Variants in SPOCK3 observed in about 807,000 individuals in gnomAD.
SPOCK3 encodes the protein testican-3.
SPOCK3 carries 30 observed loss-of-function variants against 56.6 expected under a neutral mutation model. That is an observed-to-expected ratio of 0.53 (90% confidence interval 0.40 to 0.72). The LOEUF (loss-of-function observed/expected upper bound fraction) is 0.72. SPOCK3 is among the 30% of genes least tolerant of loss of function. SPOCK3 has a pLI of 0.00. For synonymous variants in SPOCK3, 196 were observed against 183.3 expected (o/e 1.07, Z -0.56); for missense variants, 527 against 530.0 (o/e 0.99, Z 0.06).
At chr4:167,030,303 T>C (rs1353365884) in intron 3 of SPOCK3, among the ~76,000 whole-genome samples, 1 of 152,110 alleles carries the variant, frequency 6.6e-6, no homozygotes, top group Non-Finnish European at 1.5e-5. Flanking sequence ...TTTTTATACC[T>C]GTTTTTATTG....
In SPOCK3 at chr4:166,734,733, A is replaced by G; in HGVS notation, c.*188T>C. On this transcript the variant is annotated 3_prime_UTR_variant, in exon 11 of 11. Coordinates refer to ENST00000357545, the MANE Select transcript of SPOCK3 (RefSeq NM_001040159.2). ...TTCTTTTTGTGTAAGGAATATAAAAACTCAAAGCAAATGATTCTTATTTAA... is the reference window on the plus strand; with the variant it reads ...TTCTTTTTGTGTAAGGAATATAAAAGCTCAAAGCAAATGATTCTTATTTAA... 1.9e-6 allele frequency: 1 copy of G among 528,048 alleles called. No homozygotes were observed. The highest frequency in any genetic ancestry group is 3.2e-6 in the Non-Finnish European group (1 of 310,818). The allele number at this position is 528,048 out of a possible 1,614,324, so 32.7% of individuals were successfully genotyped here. A position where few individuals can be genotyped will look rare whatever the true frequency, so the allele number is the denominator to read the frequency against.
chr4:166,952,904 C>A (rs1215920588), intron 4 of SPOCK3, among the ~76,000 whole-genome samples: 1 of 151,278 alleles, frequency 6.6e-6, no homozygotes, highest in Non-Finnish European at 1.5e-5. Flanking sequence ...AAACTGGATC[C>A]CTTCCTTACA....
chr4:166,781,026 A>G (rs1740109106), intron 7 of SPOCK3, among the ~76,000 whole-genome samples: 1 of 152,198 alleles, frequency 6.6e-6, no homozygotes, highest in South Asian at 2.1e-4. Flanking sequence ...ATTTTTAATT[A>G]TCAGAATAGA....
At chr4:166,953,936 G>A (rs1013870223) in intron 4 of SPOCK3, among the ~76,000 whole-genome samples, 2 of 152,122 alleles carry the variant, frequency 1.3e-5, no homozygotes, top group Non-Finnish European at 1.5e-5. Context: ...GGACTGTTGT[G>A]GGGTGCTGGG....
chr4:166,784,908 A>G (rs1740575595), intron 7 of SPOCK3, among the ~76,000 whole-genome samples: 1 of 152,104 alleles, frequency 6.6e-6, no homozygotes, highest in African/African-American at 2.4e-5. Flanking sequence ...ATGCTCTCCA[A>G]ATTGTTAAAG....
intron 2 of SPOCK3, among the ~76,000 whole-genome samples, chr4:167,092,754 T>C (rs2150311951): frequency 6.6e-6 from 1 of 152,242 alleles, no homozygotes; most frequent in African/African-American, 2.4e-5. Flanking sequence ...CTGTAAAATG[T>C]CCAACAGTGA....
At chr4:167,078,746 TTTA>T (rs1347267830) in intron 2 of SPOCK3, among the ~76,000 whole-genome samples, 2 of 151,772 alleles carry the variant, frequency 1.3e-5, no homozygotes, top group African/African-American at 4.8e-5. Context: ...AATATTTAAT[TTTA>T]TTATTTAATT....
intron 5 of SPOCK3, among the ~76,000 whole-genome samples, chr4:166,890,733 A>C (rs1184986351): frequency 1.3e-5 from 2 of 151,998 alleles, no homozygotes; most frequent in East Asian, 3.9e-4. Flanking sequence ...TATTCTGTTG[A>C]TTTGGGGTGG....
chr4:167,075,405 TTCTTTGAGCCACACTGA>T (rs1409586009), intron 2 of SPOCK3, among the ~76,000 whole-genome samples: 2 of 151,922 alleles, frequency 1.3e-5, no homozygotes, highest in African/African-American at 4.8e-5. Context: ...CTGTGGACCA[TTCTTTGAGCCACACTGA>T]TCTCTATGAC....
chr4:166,742,094 C>T, intron 8 of SPOCK3, 35 bp from the exon 9 acceptor site: 1 of 1,482,804 alleles, frequency 6.7e-7, no homozygotes, highest in Non-Finnish European at 9.4e-7. Flanking sequence ...TTCAAGGATT[C>T]TAGTTAAACA....
intron 2 of SPOCK3, among the ~76,000 whole-genome samples, chr4:167,190,453 T>C (rs577566722): frequency 2.7e-5 from 4 of 146,558 alleles, no homozygotes; most frequent in Non-Finnish European, 6.0e-5. Flanking sequence ...TGACTCTTTT[T>C]GAATTGTATT....
chr4:166,769,304 C>T (rs1738594529), intron 7 of SPOCK3, among the ~76,000 whole-genome samples: 1 of 152,046 alleles, frequency 6.6e-6, no homozygotes, highest in African/African-American at 2.4e-5. Context: ...TGTTTTTTCC[C>T]CATCTTTGTG....
At position 167,188,368 on chromosome 4, in the gene SPOCK3, T is replaced by C. The variant is rs1580559247; in HGVS notation, c.189+45617A>G. Among the ~76,000 whole-genome samples, 2 of 144,718 alleles carry C rather than the reference T, an allele frequency of 1.4e-5. 1 individual carries two copies. The highest frequency in any genetic ancestry group is 4.2e-4 in the East Asian group (2 of 4,802). 94.9% of individuals were successfully genotyped at this position (144,718 alleles called of 152,430 possible). A position where few individuals can be genotyped will look rare whatever the true frequency, so the allele number is the denominator to read the frequency against. ...AGAGCATACAAAAGAGGAAAAGAGG[T>C]CACTACTGATAAATGAAATAGTGAA... On this transcript the variant is annotated intron_variant, in intron 2 of 10. Transcript: ENST00000357545.
chr4:167,030,299 T>A (rs892764575), intron 3 of SPOCK3, among the ~76,000 whole-genome samples: 7 of 152,112 alleles, frequency 4.6e-5, no homozygotes, highest in African/African-American at 1.7e-4. Flanking sequence ...TTGTTTTTTA[T>A]ACCTGTTTTT....
chr4:167,110,161 A>T (rs948605703), intron 2 of SPOCK3, among the ~76,000 whole-genome samples: 1 of 152,046 alleles, frequency 6.6e-6, no homozygotes, highest in Non-Finnish European at 1.5e-5. Flanking sequence ...GTGATCTCTC[A>T]TCTCAAGTGG....
At chr4:167,089,480 G>T (rs895424115) in intron 2 of SPOCK3, among the ~76,000 whole-genome samples, 2 of 151,934 alleles carry the variant, frequency 1.3e-5, no homozygotes, top group African/African-American at 4.8e-5. Context: ...TTCTGTGATT[G>T]GTTACTTTTG....
chr4:166,971,266 AT>A (rs138529030), intron 4 of SPOCK3, among the ~76,000 whole-genome samples: 2,690 of 152,020 alleles, frequency 0.018, 70 homozygotes, highest in African/African-American at 0.061. Context: ...TTGTGTTTTT[AT>A]TTTTCCCCCC....
chr4:166,868,669 T>C (rs893888426), intron 6 of SPOCK3, among the ~76,000 whole-genome samples: 7 of 152,150 alleles, frequency 4.6e-5, no homozygotes, highest in Non-Finnish European at 8.8e-5. Context: ...TGCATACTTT[T>C]ATCTATTTAA....
At chr4:166,966,600 G>A (rs1032151980) in intron 4 of SPOCK3, among the ~76,000 whole-genome samples, 4 of 152,012 alleles carry the variant, frequency 2.6e-5, no homozygotes, top group Non-Finnish European at 2.9e-5. Flanking sequence ...ATTTTATACC[G>A]CAGTTTCTGA....
Sources: allele counts gnomAD v4.1 joint callset (sites outside exome capture counted in the v4.1 genomes callset), GRCh38; gene constraint gnomAD v4.1.1; transcripts MANE v1.5; gene names NCBI Gene and HGNC (gene_info 2026-07-23, HGNC 2026-07-21).